TEAD4: variants seen among roughly 807,000 people sequenced by gnomAD.
TEAD4 encodes the protein transcriptional enhancer factor TEF-3.
A neutral mutation model predicts 52.4 loss-of-function variants in TEAD4; 36 were observed. That is an observed-to-expected ratio of 0.69 (90% CI 0.53 to 0.91). The LOEUF (loss-of-function observed/expected upper bound fraction) is 0.91, where lower values mean the gene tolerates loss of function less well. TEAD4 is among the 40% of genes least tolerant of loss of function. TEAD4 has a pLI of 0.00. For synonymous variants in TEAD4, 220 were observed against 231.0 expected (o/e 0.95, Z 0.43); for missense variants, 508 against 583.9 (o/e 0.87, Z 1.34).
intron 5 of TEAD4, among the ~76,000 whole-genome samples, chr12:3,012,725 C>T (rs2098261370): frequency 6.6e-6 from 1 of 152,138 alleles, no homozygotes; most frequent in South Asian, 2.1e-4. Context: ...AGGGCCTCTG[C>T]TGATAGGTGA....
At chr12:2,968,357 A>T (rs7133668) in intron 2 of TEAD4, among the ~76,000 whole-genome samples, 10,911 of 121,138 alleles carry the variant, frequency 0.09, 1,841 homozygotes, top group African/African-American at 0.32. Flanking sequence ...AAGTGCTGGG[A>T]TTACAGGTGT....
chr12:3,037,869 A>G, intron 10 of TEAD4, 99 bp from the exon 11 acceptor site: 4 of 1,421,594 alleles, frequency 2.8e-6, no homozygotes, highest in Non-Finnish European at 3.8e-6. Context: ...ATTTCTTCCC[A>G]GCCCTAGAGC....
At chr12:2,990,516 G>C (rs1023687305) in intron 2 of TEAD4, among the ~76,000 whole-genome samples, 7 of 126,248 alleles carry the variant, frequency 5.5e-5, no homozygotes, top group Non-Finnish European at 9.4e-5. Flanking sequence ...GCCTAGGCTG[G>C]AGTGCAGTGG....
chr12:3,009,290 C>A (rs1051132171), intron 3 of TEAD4, among the ~76,000 whole-genome samples: 5 of 152,116 alleles, frequency 3.3e-5, no homozygotes, highest in African/African-American at 1.2e-4. Flanking sequence ...ATTAGCTGGG[C>A]ATGGTGGTAC....
chr12:3,009,081 T>C (rs183663275), intron 3 of TEAD4, among the ~76,000 whole-genome samples: 1 of 152,320 alleles, frequency 6.6e-6, no homozygotes, highest in East Asian at 1.9e-4. Flanking sequence ...TTCCTACATC[T>C]GTAGAAATTT....
chr12:3,005,347 G>C (rs1367694203), intron 3 of TEAD4, among the ~76,000 whole-genome samples: 1 of 152,210 alleles, frequency 6.6e-6, no homozygotes, highest in African/African-American at 2.4e-5. Flanking sequence ...TGGCAGAAGT[G>C]CAGTGGTGTG....
intron 2 of TEAD4, among the ~76,000 whole-genome samples, chr12:2,976,208 C>T (rs6489411): frequency 0.84 from 127,101 of 151,732 alleles, 54,038 homozygotes; most frequent in Middle Eastern, 0.92. Flanking sequence ...ATTTTGTGTT[C>T]CACCAAGACG....
intron 3 of TEAD4, among the ~76,000 whole-genome samples, chr12:2,997,933 C>T (rs555417103): frequency 6.6e-6 from 1 of 152,172 alleles, no homozygotes; most frequent in African/African-American, 2.4e-5. Context: ...TACCACCCAT[C>T]GCCAGAAATA....
At chr12:2,961,505 A>AC (rs2098215300) in intron 2 of TEAD4, among the ~76,000 whole-genome samples, 1 of 151,976 alleles carries the variant, frequency 6.6e-6, no homozygotes, top group Non-Finnish European at 1.5e-5. Flanking sequence ...CTGGTGTGCG[A>AC]CTGGTCTAAA....
chr12:3,021,307 CTTTT>C (rs371527718), intron 9 of TEAD4, among the ~76,000 whole-genome samples: 2 of 133,182 alleles, frequency 1.5e-5, no homozygotes, highest in African/African-American at 5.6e-5. Context: ...CTTCAAACTT[CTTTT>C]TTTTTTTTTT....
intron 10 of TEAD4, among the ~76,000 whole-genome samples, chr12:3,036,299 T>C (rs1215523238): frequency 6.6e-6 from 1 of 152,168 alleles, no homozygotes; most frequent in Non-Finnish European, 1.5e-5. Flanking sequence ...TCATCCATGA[T>C]AATAAATGCA....
At chr12:3,035,680 T>A (rs759704430) in intron 10 of TEAD4, among the ~76,000 whole-genome samples, 12 of 151,692 alleles carry the variant, frequency 7.9e-5, no homozygotes, top group Non-Finnish European at 1.6e-4. Flanking sequence ...ATTAGCCAGG[T>A]GTGGTGGCAC....
At chr12:2,969,493 G>T (rs756396101) in intron 2 of TEAD4, among the ~76,000 whole-genome samples, 2 of 152,164 alleles carry the variant, frequency 1.3e-5, no homozygotes, top group Non-Finnish European at 2.9e-5. Context: ...TGCTTTGGAG[G>T]AGTCTCTGCC....
intron 2 of TEAD4, among the ~76,000 whole-genome samples, chr12:2,985,114 A>C (rs1044425844): frequency 5.3e-5 from 8 of 152,112 alleles, no homozygotes; most frequent in African/African-American, 1.4e-4. Flanking sequence ...TAAAACGCAA[A>C]CACCTCACGC....
At chr12:2,983,123 T>TA (rs1263725098) in intron 2 of TEAD4, among the ~76,000 whole-genome samples, 3 of 152,088 alleles carry the variant, frequency 2.0e-5, no homozygotes, top group Non-Finnish European at 2.9e-5. Flanking sequence ...CAGAAGAAAA[T>TA]CTAGGCTACA....
intron 2 of TEAD4, among the ~76,000 whole-genome samples, chr12:2,987,921 C>T (rs986637947): frequency 3.3e-5 from 5 of 150,446 alleles, no homozygotes; most frequent in Admixed American, 2.6e-4. Flanking sequence ...AAAAATTAGC[C>T]AGGCGTGATG....
At position 3,021,307 on chromosome 12, in the gene TEAD4, C is replaced by CTTT. The variant is rs371527718; in HGVS notation, c.724-522_724-520dup. ...TTCTCACTCTGACATCTTCAAACTTCTTTTTTTTTTTTTTTTTCTTGAGAC... is the reference window on the plus strand; with the variant it reads ...TTCTCACTCTGACATCTTCAAACTTCTTTTTTTTTTTTTTTTTTTTCTTGAGAC... On this transcript the variant is annotated intron_variant, in intron 9 of 12. Transcript: ENST00000359864. Among the ~76,000 whole-genome samples, 758 of 133,150 alleles carry CTTT rather than the reference C, an allele frequency of 5.7e-3. 12 individuals are homozygous for CTTT. The highest frequency in any genetic ancestry group is 0.016 in the Middle Eastern group (4 of 252). 87.4% of individuals were successfully genotyped at this position (133,150 alleles called of 152,430 possible).
At chr12:3,011,666 T>C (rs186801556) in intron 4 of TEAD4, among the ~76,000 whole-genome samples, 1 of 152,088 alleles carries the variant, frequency 6.6e-6, no homozygotes, top group Admixed American at 6.5e-5. Flanking sequence ...GGCACTACTT[T>C]TCTTTTTTGT....
At chr12:3,036,118 G>A (rs570759119) in intron 10 of TEAD4, among the ~76,000 whole-genome samples, 2 of 152,320 alleles carry the variant, frequency 1.3e-5, no homozygotes, top group South Asian at 4.1e-4. Flanking sequence ...CAGAGGCTGA[G>A]CATTGACACG....
Sources: allele counts gnomAD v4.1 joint callset (sites outside exome capture counted in the v4.1 genomes callset), GRCh38; gene constraint gnomAD v4.1.1; transcripts MANE v1.5; gene names NCBI Gene and HGNC (gene_info 2026-07-23, HGNC 2026-07-21).